Variants in IL17B observed in about 807,000 individuals in gnomAD.
IL17B encodes interleukin 17B.
IL17B carries 14 observed loss-of-function variants against 14.7 expected under a neutral mutation model. The observed-to-expected ratio is 0.95, with a 90% CI of 0.63 to 1.49. The LOEUF is 1.49. Among genes scored for constraint, IL17B ranks in the 40% most tolerant of loss-of-function variants. The pLI is 0.00. For missense variants in IL17B, 233 were observed against 252.8 expected, an observed-to-expected ratio of 0.92 and a Z score of 0.53; for synonymous variants, 105 against 94.8, an observed-to-expected ratio of 1.11 and a Z score of -0.62.
intron 1 of IL17B, among the ~76,000 whole-genome samples, chr5:149,397,956 C>T (rs1024636372): frequency 6.6e-6 from 1 of 152,118 alleles, no homozygotes; most frequent in African/African-American, 2.4e-5. Flanking sequence ...AGATGATGCC[C>T]ACCAACATTG....
intron 1 of IL17B, among the ~76,000 whole-genome samples, chr5:149,390,630 C>CACACACACACACAGAGAGAGAG (rs1491235916): frequency 1.2e-4 from 16 of 132,080 alleles, no homozygotes; most frequent in African/African-American, 4.3e-4. Flanking sequence ...CACACACACA[C>CACACACACACACAGAGAGAGAG]AGAGATACAC....
intron 1 of IL17B, among the ~76,000 whole-genome samples, chr5:149,390,949 G>A (rs1030093061): frequency 6.6e-6 from 1 of 151,868 alleles, no homozygotes; most frequent in African/African-American, 2.4e-5. Flanking sequence ...CAGGATTTTG[G>A]TTTTTTGTGG....
At chr5:149,398,984 G>A (rs534382422) in intron 1 of IL17B, among the ~76,000 whole-genome samples, 4 of 152,332 alleles carry the variant, frequency 2.6e-5, no homozygotes, top group South Asian at 2.1e-4. Context: ...CACTTCTTAC[G>A]TGGCAGCAGC....
chr5:149,377,089 G>T, intron 1 of IL17B, 64 bp from the exon 2 acceptor site: 1 of 1,374,918 alleles, frequency 7.3e-7, no homozygotes, highest in South Asian at 1.4e-5. Context: ...CAAGACTTGG[G>T]GTCCATGGTC....
At chr5:149,392,788 C>G (rs1383504286) in intron 1 of IL17B, among the ~76,000 whole-genome samples, 1 of 152,190 alleles carries the variant, frequency 6.6e-6, no homozygotes, top group African/African-American at 2.4e-5. Flanking sequence ...ATTTCATTCT[C>G]TCTCTTTCTC....
At chr5:149,402,329 C>A (rs1407356994) in intron 1 of IL17B, among the ~76,000 whole-genome samples, 1 of 152,158 alleles carries the variant, frequency 6.6e-6, no homozygotes, top group African/African-American at 2.4e-5. Flanking sequence ...CCACCCAGGG[C>A]CCTTCAATGC....
chr5:149,388,584 G>C (rs970006087), intron 1 of IL17B, among the ~76,000 whole-genome samples: 2 of 152,170 alleles, frequency 1.3e-5, no homozygotes, highest in Non-Finnish European at 2.9e-5. Flanking sequence ...GAGCAAAACT[G>C]TTCCCTCAGC....
upstream of IL17B, among the ~76,000 whole-genome samples, chr5:149,381,946 GTGAA>G (rs1039819847): frequency 7.2e-5 from 11 of 152,214 alleles, no homozygotes; most frequent in African/African-American, 2.7e-4. Flanking sequence ...GTCAGCATGC[GTGAA>G]TGAAGGACTG....
chr5:149,396,778 A>G (rs1759101166), intron 1 of IL17B, among the ~76,000 whole-genome samples: 1 of 152,216 alleles, frequency 6.6e-6, no homozygotes, highest in Non-Finnish European at 1.5e-5. Context: ...AAATAAAAAT[A>G]AAAGTAAGAA....
At chr5:149,388,391 A>G (rs1758869269) in intron 1 of IL17B, among the ~76,000 whole-genome samples, 1 of 152,206 alleles carries the variant, frequency 6.6e-6, no homozygotes, top group Admixed American at 6.5e-5. Flanking sequence ...AGAATCACCT[A>G]CAAATCTTCT....
At chr5:149,402,096 T>G (rs1759215425) in intron 1 of IL17B, among the ~76,000 whole-genome samples, 1 of 152,172 alleles carries the variant, frequency 6.6e-6, no homozygotes, top group Non-Finnish European at 1.5e-5. Flanking sequence ...ACTGCCTCCC[T>G]CTTACACACA....
intron 2 of IL17B, chr5:149,375,046 C>T (rs1289295562): frequency 6.3e-6 from 1 of 159,446 alleles, no homozygotes; most frequent in Non-Finnish European, 1.4e-5. Flanking sequence ...CTCTGCCTGC[C>T]CCACCCCCAC....
At chr5:149,391,031 C>T (rs967793228) in intron 1 of IL17B, among the ~76,000 whole-genome samples, 1 of 151,948 alleles carries the variant, frequency 6.6e-6, no homozygotes, top group Non-Finnish European at 1.5e-5. Flanking sequence ...AGTACAATGG[C>T]GCTATCTCAG....
At chr5:149,387,775 CAAA>C (rs57775228) in intron 1 of IL17B, among the ~76,000 whole-genome samples, 24 of 81,302 alleles carry the variant, frequency 3.0e-4, no homozygotes, top group Non-Finnish European at 4.3e-4. Flanking sequence ...GCCCCTGTCT[CAAA>C]AAAAAAAAAA....
At chr5:149,376,179 A>G (rs912745402) in intron 2 of IL17B, among the ~76,000 whole-genome samples, 24 of 152,228 alleles carry the variant, frequency 1.6e-4, no homozygotes, top group Admixed American at 7.2e-4. Context: ...CGCTGCTGCC[A>G]TCGTTATCCA....
intron 1 of IL17B, among the ~76,000 whole-genome samples, chr5:149,390,630 C>CACACACACACACACACACACACACACAG (rs1491235916): frequency 3.0e-5 from 4 of 132,082 alleles, no homozygotes; most frequent in African/African-American, 1.2e-4. Flanking sequence ...CACACACACA[C>CACACACACACACACACACACACACACAG]AGAGATACAC....
At chr5:149,376,292 T>G (rs1466891667) in intron 2 of IL17B, among the ~76,000 whole-genome samples, 1 of 152,146 alleles carries the variant, frequency 6.6e-6, no homozygotes, top group African/African-American at 2.4e-5. Context: ...GAGGTTTGGA[T>G]TGGGCATGGG....
intron 1 of IL17B, among the ~76,000 whole-genome samples, chr5:149,398,845 G>C (rs1008136707): frequency 2.0e-5 from 3 of 152,220 alleles, no homozygotes; most frequent in Non-Finnish European, 4.4e-5. Context: ...GGCAGAGTTT[G>C]CAGCCCAGAT....
intron 1 of IL17B, among the ~76,000 whole-genome samples, chr5:149,389,195 T>A (rs541657238): frequency 6.6e-6 from 1 of 152,368 alleles, no homozygotes; most frequent in Non-Finnish European, 1.5e-5. Flanking sequence ...ATTGTCAATG[T>A]CATATTATTT....
Sources: gnomAD v4.1 joint callset for allele counts (sites outside exome capture counted in the v4.1 genomes callset) on GRCh38, gnomAD v4.1.1 for gene constraint, MANE v1.5 for transcripts, NCBI Gene and HGNC (gene_info 2026-07-23, HGNC 2026-07-21) for gene names.